E2F5: variants seen among roughly 807,000 people sequenced by gnomAD.
E2F5 encodes the protein E2F transcription factor 5.
E2F5 carries 23 observed loss-of-function variants against 39.1 expected under a neutral mutation model. The ratio of observed to expected loss-of-function variants is 0.59; its 90% CI spans 0.42 to 0.83. E2F5 has a LOEUF of 0.83. Ranked by LOEUF, E2F5 falls within the 40% of genes least tolerant of loss-of-function variation. The probability of loss-of-function intolerance (pLI) is 0.00; values close to 1 mark genes in which losing one functional copy is unlikely to be tolerated. For missense variants in E2F5, 365 were observed against 406.7 expected, an observed-to-expected ratio of 0.90 and a Z score of 0.88; for synonymous variants, 145 against 157.8, an observed-to-expected ratio of 0.92 and a Z score of 0.61.
intron 1 of E2F5, chr8:85,177,947 C>A (rs1256005963): frequency 2.8e-5 from 6 of 217,158 alleles, no homozygotes; most frequent in African/African-American, 1.4e-4. Context: ...CTTCTGTCTC[C>A]GGGCGCAGGG....
intron 6 of E2F5, among the ~76,000 whole-genome samples, chr8:85,210,512 T>G (rs1168491876): frequency 2.0e-5 from 3 of 151,990 alleles, no homozygotes; most frequent in Non-Finnish European, 2.9e-5. Context: ...AAGCCCTGTC[T>G]CTACTAAAAA....
chr8:85,198,081 G>A (rs1812618629), intron 1 of E2F5, among the ~76,000 whole-genome samples: 1 of 152,078 alleles, frequency 6.6e-6, no homozygotes, highest in Admixed American at 6.6e-5. Flanking sequence ...CAACCAGAAG[G>A]AAATGTCTAA....
intron 1 of E2F5, among the ~76,000 whole-genome samples, chr8:85,188,154 C>A (rs1168779242): frequency 1.3e-5 from 2 of 152,082 alleles, no homozygotes; most frequent in African/African-American, 4.8e-5. Context: ...ATTATTGCAG[C>A]TACTATGATT....
Position 85,189,925 on chromosome 8 carries a change from T to C in E2F5, c.235-12222T>C, listed in dbSNP as rs4150887. Among the ~76,000 whole-genome samples, 611 of 152,298 alleles carry C rather than the reference T, an allele frequency of 4.0e-3. 3 individuals are homozygous for C. Among genetic ancestry groups the C allele is most frequent in the African/African-American group, 0.014 (580 of 41,570 alleles). ...ACTGTGAGGGGTGTTTGGAAGCACC[T>C]ACCTGAGCCTTACGCTTCAGGGAGT... On this transcript the variant is annotated intron_variant, in intron 1 of 7. Transcript: ENST00000416274.
Position 85,214,266 on chromosome 8 carries a change from C to T in E2F5, c.*404C>T. On this transcript the variant is annotated 3_prime_UTR_variant, in exon 8 of 8. Coordinates refer to ENST00000416274, the MANE Select transcript of E2F5 (RefSeq NM_001951.4). ...TAAACTGCCTGTATTTCTGTATGTC[C>T]TTCTATCCAAACAGACGTTCACTGC... 1.8e-6 allele frequency: 1 copy of T among 563,392 alleles called. No individual in the cohort carries two copies. The allele number at this position is 563,392 out of a possible 1,614,324, so 34.9% of individuals were successfully genotyped here.
chr8:85,185,421 C>A (rs541215488), intron 1 of E2F5, among the ~76,000 whole-genome samples: 2 of 152,258 alleles, frequency 1.3e-5, no homozygotes, highest in East Asian at 3.9e-4. Flanking sequence ...TAGAAAAGAA[C>A]CTGGGCAATA....
chr8:85,196,029 G>T (rs982815936), intron 1 of E2F5, among the ~76,000 whole-genome samples: 2 of 151,846 alleles, frequency 1.3e-5, no homozygotes, highest in Admixed American at 1.3e-4. Context: ...AAAATTTAAA[G>T]CTTATGCATT....
chr8:85,192,190 G>A (rs946149426), intron 1 of E2F5, among the ~76,000 whole-genome samples: 3 of 152,154 alleles, frequency 2.0e-5, no homozygotes, highest in African/African-American at 7.2e-5. Flanking sequence ...CCATATTGCT[G>A]GCTTGGTAAA....
Position 85,202,276 on chromosome 8 carries a change from C to A in E2F5, c.344+20C>A. ...GTGGAAGTAAGTTACAAACCAGCAC[C>A]CTCTTCTGAAACCTTTTTTCTTCTC... On this transcript the variant is annotated intron_variant, in intron 2 of 7. Transcript: ENST00000416274. The A allele has an allele frequency of 6.6e-7, 1 of 1,505,244 alleles. No individual in the cohort carries two copies. The allele number at this position is 1,505,244 out of a possible 1,614,324, so 93.2% of individuals were successfully genotyped here. A position where few individuals can be genotyped will look rare whatever the true frequency, so the allele number is the denominator to read the frequency against.
rs549578773 is a variant in E2F5 at position 85,211,777 on chromosome 8, A to G, written c.884-380A>G. On this transcript the variant is annotated intron_variant, in intron 6 of 7. Transcript: ENST00000416274. Reference sequence around the variant, plus strand: ...CTCAGTCTCCCAAGTAGTTGGGACTATAGGCACGTGCCATGAATGTCTGGC... The same window carrying G: ...CTCAGTCTCCCAAGTAGTTGGGACTGTAGGCACGTGCCATGAATGTCTGGC... Among the ~76,000 whole-genome samples the G allele has an allele frequency of 9.4e-5, 14 of 148,612 alleles. No individual in the cohort carries two copies. In the Admixed American group the frequency reaches 9.7e-4, roughly 10 times the overall value.
Position 85,212,201 on chromosome 8 carries a change from G to T in E2F5, c.928G>T (p.Asp310Tyr). 1 of 1,607,684 alleles carries T rather than the reference G, an allele frequency of 6.2e-7. No homozygotes were observed. Among genetic ancestry groups the T allele is most frequent in the South Asian group, 1.1e-5 (1 of 90,130 alleles). ...GDIIDELMSS[D>Y]VFPLLRLSPT... ...TATCATTGATGAGTTAATGTCTTCT[G>T]ACGGTAAGTAGGTTAAAATTTTACT... is the stretch of plus-strand genomic sequence containing the variant. The change falls in exon 7 of 8, where the codon GAC becomes TAC. Residue 310 changes from aspartate to tyrosine, a missense_variant. Coordinates refer to ENST00000416274, the MANE Select transcript of E2F5 (RefSeq NM_001951.4).
intron 3 of E2F5, among the ~76,000 whole-genome samples, chr8:85,204,908 A>G (rs4150948): frequency 0.022 from 3,324 of 152,296 alleles, 252 homozygotes; most frequent in Admixed American, 0.14. Context: ...AAACTAGGCC[A>G]AATGCAGTGG....
In E2F5 at chr8:85,211,643, G is replaced by GTTTT. The variant is rs950695727; in HGVS notation, c.884-489_884-486dup. ...TAGAATGATGATGAGGTTTGTTGTT[G>GTTTT]TTTTTTTTTTTTTTTTTTTTTTTTT... On this transcript the variant is annotated intron_variant, in intron 6 of 7. Transcript: ENST00000416274. 5.8e-3 allele frequency among the ~76,000 whole-genome samples: 302 copies of GTTTT among 52,204 alleles called. 14 individuals carry two copies. The highest frequency in any genetic ancestry group is 0.015 in the African/African-American group (164 of 11,002). The allele number at this position is 52,204 out of a possible 152,430, so 34.2% of individuals were successfully genotyped here. A position where few individuals can be genotyped will look rare whatever the true frequency, so the allele number is the denominator to read the frequency against.
chr8:85,213,851 C>CTAAAT lies in E2F5; in HGVS notation c.1033_1037dup (p.Tyr346Ter). On this transcript the variant is annotated frameshift_variant, in exon 8 of 8. Coordinates refer to ENST00000416274, the MANE Select transcript of E2F5 (RefSeq NM_001951.4). LOFTEE classifies it high-confidence loss of function. The stretch of plus-strand genomic sequence containing the variant: ...TTGTGATCTGTTTGATGTCCAGATA[C>CTAAAT]TAAATTATTAGATTCCATGGAAACT... 1 of 1,595,868 alleles carries CTAAAT rather than the reference C, an allele frequency of 6.3e-7. No individual in the cohort carries two copies. The highest frequency in any genetic ancestry group is 8.6e-7 in the Non-Finnish European group (1 of 1,164,248).
chr8:85,178,191 C>T (rs1812127377), intron 1 of E2F5: 1 of 151,994 alleles, frequency 6.6e-6, no homozygotes, highest in African/African-American at 2.4e-5. Context: ...AAGAGTACTT[C>T]TTTCCACGCC....
intron 1 of E2F5, among the ~76,000 whole-genome samples, chr8:85,193,405 C>A (rs752822019): frequency 1.3e-5 from 2 of 151,882 alleles, no homozygotes; most frequent in African/African-American, 4.8e-5. Context: ...ATTGCTTGGA[C>A]CCAGGAGGTG....
At chr8:85,197,752 A>G (rs1285333492) in intron 1 of E2F5, among the ~76,000 whole-genome samples, 1 of 152,188 alleles carries the variant, frequency 6.6e-6, no homozygotes, top group African/African-American at 2.4e-5. Context: ...TGTGATTAAG[A>G]AATATATATA....
chr8:85,182,506 A>C (rs559939476), intron 1 of E2F5, among the ~76,000 whole-genome samples: 1 of 152,322 alleles, frequency 6.6e-6, no homozygotes, highest in African/African-American at 2.4e-5. Flanking sequence ...TTCCATTTGC[A>C]TAAGGGCATG....
At chr8:85,210,675 T>TAAA (rs78651124) in intron 6 of E2F5, among the ~76,000 whole-genome samples, 1 of 131,624 alleles carries the variant, frequency 7.6e-6, no homozygotes, top group Non-Finnish European at 1.6e-5. Context: ...GACTCCATCT[T>TAAA]AAAAAAAAAA....
Sources: gnomAD v4.1 joint callset for allele counts (sites outside exome capture counted in the v4.1 genomes callset) on GRCh38, gnomAD v4.1.1 for gene constraint, MANE v1.5 for transcripts, NCBI Gene and HGNC (gene_info 2026-07-23, HGNC 2026-07-21) for gene names.